The following ZNF862 variants were observed in gnomAD, a reference collection of about 807,000 sequenced individuals.
The protein encoded by ZNF862 is zinc finger protein 862.
A neutral mutation model predicts 91.1 loss-of-function variants in ZNF862; 64 were observed. The ratio of observed to expected loss-of-function variants is 0.70; its 90% confidence interval spans 0.57 to 0.87. ZNF862 has a LOEUF of 0.87. Among genes scored for constraint, ZNF862 ranks in the 40% least tolerant of loss-of-function variants. ZNF862 has a pLI of 0.00. For missense variants in ZNF862, 1,459 were observed against 1,528.0 expected, an observed-to-expected ratio of 0.95 and a Z score of 0.75; for synonymous variants, 631 against 618.1, an observed-to-expected ratio of 1.02 and a Z score of -0.31.
At position 149,855,950 on chromosome 7, in the gene ZNF862, G is replaced by A. The variant is rs988582547; in HGVS notation, c.1118-3472G>A. On this transcript the variant is annotated intron_variant, in intron 5 of 7. Transcript: ENST00000223210. The surrounding 1 kb of genome is among the most constrained non-coding windows in gnomAD (Gnocchi z 4.1). ...TCCCAGAGATACAGGTCAGGTTAAG[G>A]GAAAGGGCGCACCCACCACTCCCCA... is the stretch of plus-strand genomic sequence containing the variant. 2.6e-5 allele frequency: 4 copies of A among 152,336 alleles called. No homozygotes were observed. Among genetic ancestry groups the A allele is most frequent in the Admixed American group, 6.5e-5 (1 of 15,288 alleles). 9.4% of individuals were successfully genotyped at this position (152,336 alleles called of 1,614,324 possible).
rs762314930 is a variant in ZNF862, at chr7:149,848,020, G to T, written c.527G>T (p.Arg176Ile). 1 of 1,613,792 alleles carries T rather than the reference G, an allele frequency of 6.2e-7. No individual in the cohort carries two copies. Among genetic ancestry groups the T allele is most frequent in the Non-Finnish European group, 8.5e-7 (1 of 1,179,792 alleles). Residue 176 changes from arginine (R) to isoleucine (I), a missense_variant, in exon 4 of 8, where the codon AGA becomes ATA. Arg to Ile is a moderately conservative substitution (Grantham distance 97, BLOSUM62 -3). Transcript: ENST00000223210. ...EYPSIRDKRS[R>I]LIEGYTGPFK... Reference sequence around the variant, plus strand: ...CCCTCCATCAGGGACAAACGGTCAAGACTAATAGAAGGTTATACAGGACCA... The same window carrying T: ...CCCTCCATCAGGGACAAACGGTCAATACTAATAGAAGGTTATACAGGACCA...
chr7:149,866,451 A>T lies in ZNF862; in HGVS notation c.*2167A>T, dbSNP rs1802729195. ...ACATCAAGGTGCTGTTCCAGCACAC[A>T]TGCTTCCTGCGGCCTCTTCATCCTT... On this transcript the variant is annotated 3_prime_UTR_variant, in exon 8 of 8. Transcript: ENST00000223210. The T allele has an allele frequency of 6.6e-6, 1 of 152,150 alleles. No individual in the cohort carries two copies. The highest frequency in any genetic ancestry group is 1.5e-5 in the Non-Finnish European group (1 of 68,058). 9.4% of individuals were successfully genotyped at this position (152,150 alleles called of 1,614,324 possible).
At chr7:149,849,272 A>G (rs1801982179) in intron 4 of ZNF862, among the ~76,000 whole-genome samples, 1 of 152,236 alleles carries the variant, frequency 6.6e-6, no homozygotes, top group African/African-American at 2.4e-5. Flanking sequence ...TGACATGTCC[A>G]GGGTCCTAGA....
At chr7:149,844,094 C>T (rs1333385053) in intron 1 of ZNF862, among the ~76,000 whole-genome samples, 5 of 152,152 alleles carry the variant, frequency 3.3e-5, no homozygotes, top group Admixed American at 2.6e-4. Flanking sequence ...TAATCTGGAA[C>T]TCCTCCAAAC....
chr7:149,841,522 C>G (rs968822573), intron 1 of ZNF862: 1 of 983,946 alleles, frequency 1.0e-6, no homozygotes, highest in Non-Finnish European at 1.2e-6. Flanking sequence ...CCAGCTAGAA[C>G]AGTGGAGCAG....
chr7:149,846,112 T>TTC (rs762758014), intron 2 of ZNF862, 39 bp from the exon 3 acceptor site: 57 of 1,473,618 alleles, frequency 3.9e-5, no homozygotes, highest in African/African-American at 3.6e-4. Context: ...CATAGTGCTT[T>TTC]TCTCTCTCTC....
rs60721842 is a variant in ZNF862 at position 149,840,187 on chromosome 7, T to TAAAAAAAA, written c.24+1577_24+1584dup. Among the ~76,000 whole-genome samples, 160 of 41,270 alleles carry TAAAAAAAA rather than the reference T, an allele frequency of 3.9e-3. 1 individual carries two copies. Among genetic ancestry groups the TAAAAAAAA allele is most frequent in the East Asian group, 6.0e-3 (5 of 840 alleles). 27.1% of individuals were successfully genotyped at this position (41,270 alleles called of 152,430 possible). A position where few individuals can be genotyped will look rare whatever the true frequency, so the allele number is the denominator to read the frequency against. On this transcript the variant is annotated intron_variant, in intron 1 of 7. Coordinates refer to ENST00000223210, the MANE Select transcript of ZNF862 (RefSeq NM_001099220.3). Reference sequence around the variant, plus strand: ...TTAGGTTTTAAGAAAGCTTAAAAAGTAAAAAAAAAAAAAAAAAAAAAAAAA... The same window carrying TAAAAAAAA: ...TTAGGTTTTAAGAAAGCTTAAAAAGTAAAAAAAAAAAAAAAAAAAAAAAAAAAAAAAAA...
At chr7:149,843,125 C>G (rs1801760613) in intron 1 of ZNF862, among the ~76,000 whole-genome samples, 1 of 152,128 alleles carries the variant, frequency 6.6e-6, no homozygotes, top group Non-Finnish European at 1.5e-5. Flanking sequence ...GATCTTAATA[C>G]ATTTTTTTCT....
In ZNF862 at chr7:149,848,052, G is replaced by A. The variant is rs1310630462; in HGVS notation, c.559G>A (p.Val187Met). 3 of 1,614,026 alleles carry A rather than the reference G, an allele frequency of 1.9e-6. No individual in the cohort carries two copies. The highest frequency in any genetic ancestry group is 2.5e-6 in the Non-Finnish European group (3 of 1,179,894). ...AGAAGGTTATACAGGACCATTCAAGGTGGAGACTCTCAAATACCACGCGAA... is the reference window on the plus strand; with the variant it reads ...AGAAGGTTATACAGGACCATTCAAGATGGAGACTCTCAAATACCACGCGAA... ...LIEGYTGPFKVETLKYHAKSK... is the reference protein window; with the variant it reads ...LIEGYTGPFKMETLKYHAKSK... Residue 187 changes from valine to methionine, a missense_variant, in exon 4 of 8, where the codon GTG (valine) becomes ATG (methionine). Transcript: ENST00000223210.
At chr7:149,840,387 AAATT>A (rs1380432047) in intron 1 of ZNF862, among the ~76,000 whole-genome samples, 3 of 152,276 alleles carry the variant, frequency 2.0e-5, no homozygotes, top group Non-Finnish European at 4.4e-5. Flanking sequence ...AAAGTTTAAA[AAATT>A]AAGTTTATAA....
At position 149,838,515 on chromosome 7, in the gene ZNF862, C is replaced by A. The variant is rs1334114817; in HGVS notation, c.-97C>A. On this transcript the variant is annotated 5_prime_UTR_variant, in exon 1 of 8. Coordinates refer to ENST00000223210, the MANE Select transcript of ZNF862 (RefSeq NM_001099220.3). ...TCCCTCCCTACCTGGGTGCCCTCCC[C>A]CTCCGGGAGCCTGGGTCCCCGGGGC... 5.8e-6 allele frequency: 5 copies of A among 862,576 alleles called. No individual in the cohort carries two copies. Among genetic ancestry groups the A allele is most frequent in the South Asian group, 6.0e-5 (1 of 16,788 alleles). The allele number at this position is 862,576 out of a possible 1,614,324, so 53.4% of individuals were successfully genotyped here. A position where few individuals can be genotyped will look rare whatever the true frequency, so the allele number is the denominator to read the frequency against.
Position 149,855,700 on chromosome 7 carries a change from A to G in ZNF862, c.1118-3722A>G, listed in dbSNP as rs942958326. Among the ~76,000 whole-genome samples, 7 of 152,126 alleles carry G rather than the reference A, an allele frequency of 4.6e-5. No homozygotes were observed. The highest frequency in any genetic ancestry group is 7.4e-5 in the Non-Finnish European group (5 of 68,010). On this transcript the variant is annotated intron_variant, in intron 5 of 7. Coordinates refer to ENST00000223210, the MANE Select transcript of ZNF862 (RefSeq NM_001099220.3). This position sits in a 1 kb window ranked among gnomAD's most constrained non-coding sequence, Gnocchi z 4.1. ...GCAGCCTGTCTATATAGGCGCCTTC[A>G]CAGGGGAGTATCACACTGGTAGCCA...
chr7:149,851,054 T>G (rs773068576), intron 5 of ZNF862, among the ~76,000 whole-genome samples: 16 of 152,252 alleles, frequency 1.1e-4, no homozygotes, highest in Non-Finnish European at 2.1e-4. Context: ...TCTCTTTGCC[T>G]CTTTCTGGCA....
chr7:149,839,199 G>C (rs1283151524), intron 1 of ZNF862, among the ~76,000 whole-genome samples: 1 of 152,196 alleles, frequency 6.6e-6, no homozygotes, highest in Non-Finnish European at 1.5e-5. Flanking sequence ...AAGAAAAGGT[G>C]GAAAGAAAGT....
rs773195559 is a variant in ZNF862 at position 149,862,105 on chromosome 7, C to G, written c.2945C>G (p.Thr982Arg). 3 of 1,613,546 alleles carry G rather than the reference C, an allele frequency of 1.9e-6. No individual in the cohort carries two copies. The highest frequency in any genetic ancestry group is 1.7e-6 in the Non-Finnish European group (2 of 1,179,904). Reference sequence around the variant, plus strand: ...AGGTATTTCGAGTGCTCCCTCCCAACAGGATACAGTGAGGAAGCTCTGCTG... The same window carrying G: ...AGGTATTTCGAGTGCTCCCTCCCAAGAGGATACAGTGAGGAAGCTCTGCTG... Reference protein sequence around the residue: ...LARYFECSLPTGYSEEALLEE... With the variant: ...LARYFECSLPRGYSEEALLEE... Residue 982 changes from threonine (T) to arginine (R), a missense_variant, in exon 7 of 8, where the codon ACA becomes AGA. By Grantham distance (71) the Thr-to-Arg change is moderately conservative. Transcript: ENST00000223210.
In ZNF862 at chr7:149,862,460, C is replaced by T. The variant is rs1353651965; in HGVS notation, c.3300C>T (p.Tyr1100=). Residue 1100 remains tyrosine (Y), a synonymous_variant, in exon 7 of 8, where the codon TAC becomes TAT. Coordinates refer to ENST00000223210, the MANE Select transcript of ZNF862 (RefSeq NM_001099220.3). The stretch of plus-strand genomic sequence containing the variant: ...CAGGCCGGCGTTTCAGCCATGTCTA[C>T]ACCTGTGCCCAGGTGCCAGCCCGCT... ...TSSGRRFSHV[Y]TCAQVPARSP... 1.2e-6 allele frequency: 2 copies of T among 1,603,344 alleles called. No individual in the cohort carries two copies. Among genetic ancestry groups the T allele is most frequent in the South Asian group, 1.1e-5 (1 of 90,782 alleles).
chr7:149,841,384 G>C, intron 1 of ZNF862: 2 of 985,270 alleles, frequency 2.0e-6, no homozygotes, highest in Non-Finnish European at 2.4e-6. Context: ...AATGGATAAG[G>C]GTCAGACTTT....
At position 149,838,566 on chromosome 7, in the gene ZNF862, C is replaced by T. The variant is rs538256317; in HGVS notation, c.-46C>T. ...GGTCGCGGCGGCTGCATCCTCAGGC[C>T]AGGCCGCGGGGGGAGGGGGCGGCAC... On this transcript the variant is annotated 5_prime_UTR_variant, in exon 1 of 8. Coordinates refer to ENST00000223210, the MANE Select transcript of ZNF862 (RefSeq NM_001099220.3). 18 of 1,198,526 alleles carry T rather than the reference C, an allele frequency of 1.5e-5. No homozygotes were observed. Among genetic ancestry groups the T allele is most frequent in the East Asian group, 6.3e-5 (2 of 31,544 alleles). The allele number at this position is 1,198,526 out of a possible 1,614,324, so 74.2% of individuals were successfully genotyped here.
In ZNF862 at chr7:149,860,889, A is replaced by G; in HGVS notation, c.1729A>G (p.Lys577Glu). Residue 577 changes from lysine (K) to glutamate (E), a missense_variant, in exon 7 of 8, where the codon AAG (lysine) becomes GAG (glutamate). Transcript: ENST00000223210. ...YHSRPLNDFE[K>E]ILQLLQSTGT... ...CTCAAGGCCCCTGAATGACTTTGAGAAGATCCTGCAGCTCCTCCAAAGCAC... is the reference window on the plus strand; with the variant it reads ...CTCAAGGCCCCTGAATGACTTTGAGGAGATCCTGCAGCTCCTCCAAAGCAC... The G allele has an allele frequency of 6.2e-7, 1 of 1,613,796 alleles. No individual in the cohort carries two copies.
Sources: allele counts gnomAD v4.1 joint callset (sites outside exome capture counted in the v4.1 genomes callset), GRCh38; gene constraint gnomAD v4.1.1; non-coding constraint Gnocchi (gnomAD v3.1); transcripts MANE v1.5; gene names NCBI Gene and HGNC (gene_info 2026-07-23, HGNC 2026-07-21).